The following KIF2B variants were observed in gnomAD, a reference collection of about 807,000 sequenced individuals.
The protein encoded by KIF2B is kinesin-like protein KIF2B.
Under a neutral mutation model 6.8 loss-of-function variants are expected in KIF2B, and 5 were observed. The observed-to-expected ratio is 0.74, with a 90% CI of 0.39 to 1.55. The LOEUF is 1.55. Among genes scored for constraint, KIF2B ranks in the 40% most tolerant of loss-of-function variants. The pLI, the probability that KIF2B is intolerant of heterozygous loss-of-function variation, is 0.03. For missense variants in KIF2B, 908 were observed against 831.3 expected, an observed-to-expected ratio of 1.09 and a Z score of -1.13; for synonymous variants, 370 against 330.7, an observed-to-expected ratio of 1.12 and a Z score of -1.29.
chr17:53,823,640 A>G lies in KIF2B; in HGVS notation c.607A>G (p.Ile203Val), dbSNP rs1422672672. Residue 203 changes from isoleucine to valine, a missense_variant, in exon 1 of 1, where the codon ATC (isoleucine) becomes GTC (valine). By Grantham distance (29) the Ile-to-Val change is conservative. Transcript: ENST00000268919. ...TCGCAGGCACCTGGACAGCAGCAAG[A>G]TCTCAGTCCTGGAGCCCCCGCAAGA... ...EYRRHLDSSKISVLEPPQEHR... is the reference protein window; with the variant it reads ...EYRRHLDSSKVSVLEPPQEHR... 1.2e-6 allele frequency: 2 copies of G among 1,613,706 alleles called. No homozygotes were observed. The highest frequency in any genetic ancestry group is 1.7e-6 in the Non-Finnish European group (2 of 1,180,038).
Position 53,825,192 on chromosome 17 carries a change from T to A in KIF2B, c.*137T>A. ...TCTTAAAATACACTGATGGGAAACA[T>A]GCTCTTTCTTCTGCCTCTGTATTTC... On this transcript the variant is annotated 3_prime_UTR_variant, in exon 1 of 1. Coordinates refer to ENST00000268919, the MANE Select transcript of KIF2B (RefSeq NM_032559.5). 1.6e-6 allele frequency: 1 copy of A among 637,544 alleles called. No individual in the cohort carries two copies. Among genetic ancestry groups the A allele is most frequent in the Non-Finnish European group, 2.7e-6 (1 of 367,222 alleles). 39.5% of individuals were successfully genotyped at this position (637,544 alleles called of 1,614,324 possible). A position where few individuals can be genotyped will look rare whatever the true frequency, so the allele number is the denominator to read the frequency against.
In KIF2B at chr17:53,824,523, G is replaced by T. The variant is rs1332173857; in HGVS notation, c.1490G>T (p.Ser497Ile). 1.3e-5 allele frequency: 21 copies of T among 1,613,988 alleles called. No individual in the cohort carries two copies. Among genetic ancestry groups the T allele is most frequent in the Non-Finnish European group, 1.8e-5 (21 of 1,180,040 alleles). ...QNKPHTPFRA[S>I]KLTLVLRDSF... ...AAGCCTCACACCCCATTCAGAGCCA[G>T]CAAACTCACACTGGTGCTCCGGGAC... is the stretch of plus-strand genomic sequence containing the variant. Residue 497 changes from serine to isoleucine, a missense_variant, in exon 1 of 1, where the codon AGC becomes ATC. By Grantham distance (142) the Ser-to-Ile change is moderately radical (BLOSUM62 -2). Coordinates refer to ENST00000268919, the MANE Select transcript of KIF2B (RefSeq NM_032559.5).
rs757398097 is a variant in KIF2B, at chr17:53,824,872, G to A, written c.1839G>A (p.Gly613=). The A allele has an allele frequency of 1.2e-6, 2 of 1,614,046 alleles. No individual in the cohort carries two copies. The highest frequency in any genetic ancestry group is 1.7e-6 in the Non-Finnish European group (2 of 1,179,968). The change falls in exon 1 of 1, where the codon GGG becomes GGA. Residue 613 remains glycine (G), a synonymous_variant. Coordinates refer to ENST00000268919, the MANE Select transcript of KIF2B (RefSeq NM_032559.5). Reference sequence around the variant, plus strand: ...TAGGGAAGGATACCACAATTTCAGGGAAGGGATCTAGCCAATGGCTGGAAA... The same window carrying A: ...TAGGGAAGGATACCACAATTTCAGGAAAGGGATCTAGCCAATGGCTGGAAA... ...TLLGKDTTIS[G]KGSSQWLENI... is the part of the protein sequence containing the mutation.
rs2143785710 is a variant in KIF2B, at chr17:53,824,520, C to G, written c.1487C>G (p.Ala496Gly). The G allele has an allele frequency of 1.9e-6, 3 of 1,614,120 alleles. No individual in the cohort carries two copies. Among genetic ancestry groups the G allele is most frequent in the African/African-American group, 2.7e-5 (2 of 75,012 alleles). Residue 496 changes from alanine to glycine, a missense_variant, in exon 1 of 1, where the codon GCC becomes GGC. Coordinates refer to ENST00000268919, the MANE Select transcript of KIF2B (RefSeq NM_032559.5). Reference protein sequence around the residue: ...GQNKPHTPFRASKLTLVLRDS... With the variant: ...GQNKPHTPFRGSKLTLVLRDS... The stretch of plus-strand genomic sequence containing the variant: ...AACAAGCCTCACACCCCATTCAGAG[C>G]CAGCAAACTCACACTGGTGCTCCGG...
Position 53,823,266 on chromosome 17 carries a change from T to C in KIF2B, c.233T>C (p.Leu78Pro), listed in dbSNP as rs554238256. 9.2e-5 allele frequency: 148 copies of C among 1,614,188 alleles called. No homozygotes were observed. The highest frequency in any genetic ancestry group is 6.1e-4 in the South Asian group (56 of 91,088). Residue 78 changes from leucine (L) to proline (P), a missense_variant, in exon 1 of 1, where the codon CTG (leucine) becomes CCG (proline). By Grantham distance (98) the Leu-to-Pro change is moderately conservative. Coordinates refer to ENST00000268919, the MANE Select transcript of KIF2B (RefSeq NM_032559.5). ...GKKIDLETILLLNPALDSAEH... is the reference protein window; with the variant it reads ...GKKIDLETILPLNPALDSAEH... The stretch of plus-strand genomic sequence containing the variant: ...AAGATTGACCTGGAGACCATACTCC[T>C]GCTGAATCCAGCTCTGGACTCTGCT...
chr17:53,823,948 G>A lies in KIF2B; in HGVS notation c.915G>A (p.Thr305=), dbSNP rs780403704. The part of the protein sequence containing the change: ...GMATCFAYGQ[T]GSGKTYTMGG... ...CCACCTGCTTTGCCTATGGGCAGAC[G>A]GGAAGTGGGAAGACGTACACCATGG... Residue 305 remains threonine, a synonymous_variant, in exon 1 of 1, where the codon ACG becomes ACA. Coordinates refer to ENST00000268919, the MANE Select transcript of KIF2B (RefSeq NM_032559.5). The A allele has an allele frequency of 6.2e-7, 1 of 1,614,240 alleles. No homozygotes were observed. The highest frequency in any genetic ancestry group is 2.2e-5 in the East Asian group (1 of 44,888).
Position 53,824,706 on chromosome 17 carries a change from G to T in KIF2B, c.1673G>T (p.Gly558Val), listed in dbSNP as rs2143786626. Residue 558 changes from glycine to valine, a missense_variant, in exon 1 of 1, where the codon GGA (glycine) becomes GTA (valine). Coordinates refer to ENST00000268919, the MANE Select transcript of KIF2B (RefSeq NM_032559.5). ...RPYHRGHYPI[G>V]HEAPRMLKSH... Reference sequence around the variant, plus strand: ...TACCATCGTGGCCACTATCCGATTGGACATGAGGCACCAAGGATGTTAAAA... The same window carrying T: ...TACCATCGTGGCCACTATCCGATTGTACATGAGGCACCAAGGATGTTAAAA... 1 of 1,614,172 alleles carries T rather than the reference G, an allele frequency of 6.2e-7. No homozygotes were observed. Among genetic ancestry groups the T allele is most frequent in the Non-Finnish European group, 8.5e-7 (1 of 1,180,034 alleles).
In KIF2B at chr17:53,823,553, C is replaced by T. The variant is rs769176818; in HGVS notation, c.520C>T (p.Arg174Cys). 9.9e-6 allele frequency: 16 copies of T among 1,613,358 alleles called. No homozygotes were observed. Among genetic ancestry groups the T allele is most frequent in the East Asian group, 2.2e-5 (1 of 44,886 alleles). The stretch of plus-strand genomic sequence containing the variant: ...GCTGCAGCAGGAGATCCGAGCTAGA[C>T]GCGCCCTCGATGTCAATACCAGAAA... Reference protein sequence around the residue: ...RRLQQEIRARRALDVNTRNPN... With the variant: ...RRLQQEIRARCALDVNTRNPN... The change falls in exon 1 of 1, where the codon CGC (arginine) becomes TGC (cysteine). Residue 174 changes from arginine (R) to cysteine (C), a missense_variant. Coordinates refer to ENST00000268919, the MANE Select transcript of KIF2B (RefSeq NM_032559.5).
chr17:53,823,911 G>A lies in KIF2B; in HGVS notation c.878G>A (p.Arg293His), dbSNP rs370500459. 16 of 1,614,080 alleles carry A rather than the reference G, an allele frequency of 9.9e-6. No homozygotes were observed. Among genetic ancestry groups the A allele is most frequent in the South Asian group, 7.7e-5 (7 of 91,088 alleles). The change falls in exon 1 of 1, where the codon CGC becomes CAC. Residue 293 changes from arginine (R) to histidine (H), a missense_variant. Coordinates refer to ENST00000268919, the MANE Select transcript of KIF2B (RefSeq NM_032559.5). ...CAGCCACTGGTGGAGTCCATCTTCC[G>A]CAAGGGCATGGCCACCTGCTTTGCC... Reference protein sequence around the residue: ...TAQPLVESIFRKGMATCFAYG... With the variant: ...TAQPLVESIFHKGMATCFAYG...
rs1242225545 is a variant in KIF2B, at chr17:53,824,274, G to C, written c.1241G>C (p.Arg414Thr). 1 of 1,614,080 alleles carries C rather than the reference G, an allele frequency of 6.2e-7. No individual in the cohort carries two copies. Among genetic ancestry groups the C allele is most frequent in the South Asian group, 1.1e-5 (1 of 91,062 alleles). Residue 414 changes from arginine to threonine, a missense_variant, in exon 1 of 1, where the codon AGG (arginine) becomes ACG (threonine). Coordinates refer to ENST00000268919, the MANE Select transcript of KIF2B (RefSeq NM_032559.5). ...ATAGGGAATAGCTGTCGGACTTCCA[G>C]GCAAACACCTGTCAACGCTCACTCA... is the stretch of plus-strand genomic sequence containing the variant. ...VEIGNSCRTS[R>T]QTPVNAHSSR... is the part of the protein sequence containing the mutation.
Position 53,823,297 on chromosome 17 carries a change from C to G in KIF2B, c.264C>G (p.His88Gln), listed in dbSNP as rs1264601244. The G allele has an allele frequency of 6.8e-6, 11 of 1,614,046 alleles. No individual in the cohort carries two copies. The highest frequency in any genetic ancestry group is 9.3e-6 in the Non-Finnish European group (11 of 1,180,036). ...LLNPALDSAEHPMPPPPLSPL... is the reference protein window; with the variant it reads ...LLNPALDSAEQPMPPPPLSPL... ...ATCCAGCTCTGGACTCTGCTGAACACCCCATGCCGCCCCCGCCCTTATCCC... is the reference window on the plus strand; with the variant it reads ...ATCCAGCTCTGGACTCTGCTGAACAGCCCATGCCGCCCCCGCCCTTATCCC... Residue 88 changes from histidine (H) to glutamine (Q), a missense_variant, in exon 1 of 1, where the codon CAC becomes CAG. Coordinates refer to ENST00000268919, the MANE Select transcript of KIF2B (RefSeq NM_032559.5).
rs991737337 is a variant in KIF2B, at chr17:53,824,465, C to A, written c.1432C>A (p.Leu478Ile). The part of the protein sequence containing the change: ...GAEINKSLLA[L>I]KECILALGQN... ...AGAGATTAACAAGAGTCTTCTAGCC[C>A]TCAAAGAATGTATTCTGGCTTTGGG... Residue 478 changes from leucine (L) to isoleucine (I), a missense_variant, in exon 1 of 1, where the codon CTC becomes ATC. Physicochemically the swap from Leu to Ile is conservative, Grantham distance 5 (BLOSUM62 2). Transcript: ENST00000268919. The A allele has an allele frequency of 1.2e-6, 2 of 1,613,956 alleles. No homozygotes were observed. Among genetic ancestry groups the A allele is most frequent in the African/African-American group, 2.7e-5 (2 of 74,916 alleles).
rs749796198 is a variant in KIF2B, at chr17:53,824,075, C to G, written c.1042C>G (p.Leu348Val). 6.2e-7 allele frequency: 1 copy of G among 1,614,202 alleles called. No homozygotes were observed. Among genetic ancestry groups the G allele is most frequent in the Non-Finnish European group, 8.5e-7 (1 of 1,180,030 alleles). ...GCTCAGAAACTCCACATATGAGAAGCTGGACCTCAAAGTCTATGGGACATT... is the reference window on the plus strand; with the variant it reads ...GCTCAGAAACTCCACATATGAGAAGGTGGACCTCAAAGTCTATGGGACATT... ...LLLRNSTYEK[L>V]DLKVYGTFFE... The change falls in exon 1 of 1, where the codon CTG (leucine) becomes GTG (valine). Residue 348 changes from leucine (L) to valine (V), a missense_variant. By Grantham distance (32) the Leu-to-Val change is conservative. Coordinates refer to ENST00000268919, the MANE Select transcript of KIF2B (RefSeq NM_032559.5).
Position 53,823,774 on chromosome 17 carries a change from T to C in KIF2B, c.741T>C (p.His247=), listed in dbSNP as rs1906476170. 1 of 1,614,142 alleles carries C rather than the reference T, an allele frequency of 6.2e-7. No individual in the cohort carries two copies. Among genetic ancestry groups the C allele is most frequent in the Non-Finnish European group, 8.5e-7 (1 of 1,180,010 alleles). Residue 247 remains histidine (H), a synonymous_variant, in exon 1 of 1, where the codon CAT becomes CAC. Transcript: ENST00000268919. The part of the protein sequence containing the change: ...TVPSDNVVMV[H]ESKQKVDLTR... ...CCTCGGACAATGTGGTTATGGTGCA[T>C]GAGTCCAAGCAAAAGGTGGACCTCA... is the stretch of plus-strand genomic sequence containing the variant.
rs1906518320 is a variant in KIF2B at position 53,824,739 on chromosome 17, T to A, written c.1706T>A (p.Ile569Asn). The A allele has an allele frequency of 6.2e-7, 1 of 1,614,128 alleles. No homozygotes were observed. The highest frequency in any genetic ancestry group is 1.1e-5 in the South Asian group (1 of 91,080). Reference sequence around the variant, plus strand: ...GCACCAAGGATGTTAAAAAGTCACATCGGAAATTCAGAAATGTCCCTTCAG... The same window carrying A: ...GCACCAAGGATGTTAAAAAGTCACAACGGAAATTCAGAAATGTCCCTTCAG... The part of the protein sequence containing the change: ...HEAPRMLKSH[I>N]GNSEMSLQRD... Residue 569 changes from isoleucine (I) to asparagine (N), a missense_variant, in exon 1 of 1, where the codon ATC becomes AAC. By Grantham distance (149) the Ile-to-Asn change is moderately radical (BLOSUM62 -3). Coordinates refer to ENST00000268919, the MANE Select transcript of KIF2B (RefSeq NM_032559.5).
In KIF2B at chr17:53,825,192, T is replaced by G. The variant is rs947770380; in HGVS notation, c.*137T>G. On this transcript the variant is annotated 3_prime_UTR_variant, in exon 1 of 1. Transcript: ENST00000268919. ...TCTTAAAATACACTGATGGGAAACATGCTCTTTCTTCTGCCTCTGTATTTC... is the reference window on the plus strand; with the variant it reads ...TCTTAAAATACACTGATGGGAAACAGGCTCTTTCTTCTGCCTCTGTATTTC... The G allele has an allele frequency of 1.6e-6, 1 of 637,426 alleles. No individual in the cohort carries two copies. The highest frequency in any genetic ancestry group is 1.9e-5 in the African/African-American group (1 of 53,996). 39.5% of individuals were successfully genotyped at this position (637,426 alleles called of 1,614,324 possible).
chr17:53,824,348 A>C lies in KIF2B; in HGVS notation c.1315A>C (p.Met439Leu), dbSNP rs1349068779. The C allele has an allele frequency of 1.2e-6, 2 of 1,614,124 alleles. No homozygotes were observed. The highest frequency in any genetic ancestry group is 1.7e-6 in the Non-Finnish European group (2 of 1,180,008). ...GATCATCCTGAAGTCAGGACGGATA[A>C]TGCATGGCAAGTTTTCCCTCGTTGA... ...FQIILKSGRI[M>L]HGKFSLVDLA... The change falls in exon 1 of 1, where the codon ATG becomes CTG. Residue 439 changes from methionine to leucine, a missense_variant. Physicochemically the swap from Met to Leu is conservative, Grantham distance 15. Transcript: ENST00000268919.
rs1163190351 is a variant in KIF2B, at chr17:53,823,390, C to T, written c.357C>T (p.Ile119=). 6.2e-7 allele frequency: 1 copy of T among 1,614,042 alleles called. No homozygotes were observed. Among genetic ancestry groups the T allele is most frequent in the South Asian group, 1.1e-5 (1 of 91,070 alleles). Residue 119 remains isoleucine, a synonymous_variant, in exon 1 of 1, where the codon ATC becomes ATT. Transcript: ENST00000268919. ...QRTATKWVAM[I]PQKNQTASGD... ...CCGCCACGAAATGGGTTGCGATGAT[C>T]CCCCAGAAAAACCAAACAGCCTCAG...
At position 53,824,142 on chromosome 17, in the gene KIF2B, G is replaced by C. The variant is rs73989591; in HGVS notation, c.1109G>C (p.Trp370Ser). ...GGCAAGGTGTATGATTTGTTGAACTGGAAGAAGAAGCTGCAAGTCCTTGAG... is the reference window on the plus strand; with the variant it reads ...GGCAAGGTGTATGATTTGTTGAACTCGAAGAAGAAGCTGCAAGTCCTTGAG... The part of the protein sequence containing the change: ...YGGKVYDLLN[W>S]KKKLQVLEDG... The change falls in exon 1 of 1, where the codon TGG becomes TCG. Residue 370 changes from tryptophan to serine, a missense_variant. Coordinates refer to ENST00000268919, the MANE Select transcript of KIF2B (RefSeq NM_032559.5). 7.4e-3 allele frequency: 11,870 copies of C among 1,614,156 alleles called. 716 individuals carry two copies. In the African/African-American group the frequency reaches 0.13, roughly 18 times the overall value.
Sources: allele counts gnomAD v4.1 joint callset, GRCh38; gene constraint gnomAD v4.1.1; transcripts MANE v1.5; gene names NCBI Gene and HGNC (gene_info 2026-07-23, HGNC 2026-07-21).